The following CFAP70 variants were observed in gnomAD, a reference collection of about 807,000 sequenced individuals.
The protein encoded by CFAP70 is cilia- and flagella-associated protein 70.
Under a neutral mutation model 137.6 loss-of-function variants are expected in CFAP70, and 81 were observed. The ratio of observed to expected loss-of-function variants is 0.59; its 90% CI spans 0.49 to 0.71. CFAP70 has a LOEUF of 0.71. Among genes scored for constraint, CFAP70 ranks in the 30% least tolerant of loss-of-function variants. The pLI is 0.00. For missense variants in CFAP70, 976 were observed against 1,226.7 expected (o/e 0.80, Z 3.05); for synonymous variants, 382 against 423.6 (o/e 0.90, Z 1.20).
At chr10:73,287,276 C>T (rs897916500) in intron 19 of CFAP70, among the ~76,000 whole-genome samples, 8 of 152,186 alleles carry the variant, frequency 5.3e-5, no homozygotes, top group African/African-American at 1.9e-4. Context: ...CAGGCTGTTA[C>T]TGTACTGAAT....
At chr10:73,334,430 T>C (rs1297345852) in intron 7 of CFAP70, among the ~76,000 whole-genome samples, 1 of 152,154 alleles carries the variant, frequency 6.6e-6, no homozygotes, top group East Asian at 1.9e-4. Flanking sequence ...GCCAGAAATG[T>C]GAGCGTGCAA....
At chr10:73,349,332 G>A (rs560610496) in intron 3 of CFAP70, among the ~76,000 whole-genome samples, 51 of 152,132 alleles carry the variant, frequency 3.4e-4, no homozygotes, top group African/African-American at 1.2e-3. Flanking sequence ...GAGGTCAGGA[G>A]ATCGAGACCA....
intron 3 of CFAP70, among the ~76,000 whole-genome samples, chr10:73,351,589 C>T (rs765111132): frequency 7.9e-5 from 12 of 152,150 alleles, no homozygotes; most frequent in Non-Finnish European, 1.5e-4. Flanking sequence ...GGCTCCACCA[C>T]GCCTGGCTAA....
intron 6 of CFAP70, among the ~76,000 whole-genome samples, chr10:73,337,749 T>C (rs1223401858): frequency 2.0e-5 from 3 of 151,742 alleles, no homozygotes; most frequent in Non-Finnish European, 4.4e-5. Flanking sequence ...CCACCAAAAA[T>C]ACAAAAATTA....
chr10:73,295,389 A>AGGGAGGG (rs2048475285), intron 15 of CFAP70: 2 of 128,706 alleles, frequency 1.6e-5, no homozygotes, highest in East Asian at 5.5e-4. Context: ...GGAAGGGAGG[A>AGGGAGGG]AGGGAGGGAG....
intron 5 of CFAP70, among the ~76,000 whole-genome samples, chr10:73,344,843 A>G (rs1010716865): frequency 2.0e-5 from 3 of 151,964 alleles, no homozygotes; most frequent in Non-Finnish European, 4.4e-5. Flanking sequence ...TTTCCACCAT[A>G]TATTTATATA....
At chr10:73,269,079 A>G (rs368238383) in intron 25 of CFAP70, among the ~76,000 whole-genome samples, 4 of 152,300 alleles carry the variant, frequency 2.6e-5, no homozygotes, top group African/African-American at 7.2e-5. Flanking sequence ...CTCTTATAAT[A>G]ATACTCCCTG....
intron 12 of CFAP70, among the ~76,000 whole-genome samples, chr10:73,301,509 C>G (rs1433681994): frequency 6.6e-6 from 1 of 152,080 alleles, no homozygotes; most frequent in Non-Finnish European, 1.5e-5. Flanking sequence ...ATGAAAGAAG[C>G]CAGTCACCAC....
chr10:73,260,044 A>G (rs1009383881), intron 25 of CFAP70, among the ~76,000 whole-genome samples: 2 of 151,022 alleles, frequency 1.3e-5, no homozygotes, highest in Admixed American at 6.6e-5. Context: ...AAAAGAAAAA[A>G]AAAGGACTTA....
chr10:73,338,408 C>T (rs907644306), intron 6 of CFAP70, among the ~76,000 whole-genome samples: 17 of 145,048 alleles, frequency 1.2e-4, no homozygotes, highest in African/African-American at 3.1e-4. Flanking sequence ...TTACAGCCAC[C>T]GTACCTGGCT....
At position 73,275,700 on chromosome 10, in the gene CFAP70, A is replaced by G. The variant is rs1431720987; in HGVS notation, c.2521-102T>C. On this transcript the variant is annotated intron_variant, in intron 21 of 26. Transcript: ENST00000310715. This position sits in a 1 kb window ranked among gnomAD's most constrained non-coding sequence, Gnocchi z 4.0. Reference sequence around the variant, plus strand: ...GATAATAAATAATACGAAATGTATTACAGAATGAAATAATTATCCTCAACT... The same window carrying G: ...GATAATAAATAATACGAAATGTATTGCAGAATGAAATAATTATCCTCAACT... The G allele has an allele frequency of 5.7e-6, 6 of 1,045,420 alleles. No homozygotes were observed. The highest frequency in any genetic ancestry group is 7.9e-6 in the Non-Finnish European group (6 of 758,202). 64.8% of individuals were successfully genotyped at this position (1,045,420 alleles called of 1,614,324 possible). A position where few individuals can be genotyped will look rare whatever the true frequency, so the allele number is the denominator to read the frequency against.
At chr10:73,269,800 G>T in intron 24 of CFAP70, 85 bp from the exon 26 acceptor site, 1 of 716,506 alleles carries the variant, frequency 1.4e-6, no homozygotes. Context: ...CTATACCAAT[G>T]GTTTTCAACT....
rs148787320 is a variant in CFAP70, at chr10:73,332,702, A to G, written c.678-1426T>C. On this transcript the variant is annotated intron_variant, in intron 7 of 26. Transcript: ENST00000310715. ...GAAGTTCTTGGGCAAATCCAAAGACAACAGGGGAGGTGGGGGAAAAAGGAA... is the reference window on the plus strand; with the variant it reads ...GAAGTTCTTGGGCAAATCCAAAGACGACAGGGGAGGTGGGGGAAAAAGGAA... Among the ~76,000 whole-genome samples, 1,319 of 152,290 alleles carry G rather than the reference A, an allele frequency of 8.7e-3. 12 individuals are homozygous for G. Among genetic ancestry groups the G allele is most frequent in the Non-Finnish European group, 0.013 (857 of 68,030 alleles).
At chr10:73,327,791 G>A (rs1258264878) in intron 8 of CFAP70, among the ~76,000 whole-genome samples, 2 of 152,170 alleles carry the variant, frequency 1.3e-5, no homozygotes, top group African/African-American at 4.8e-5. Flanking sequence ...GGGATGTGAA[G>A]GACCTCTTCA....
intron 6 of CFAP70, 137 bp from the exon 8 acceptor site, chr10:73,335,661 GCAA>G (rs2052571469): frequency 2.1e-6 from 1 of 474,154 alleles, no homozygotes; most frequent in African/African-American, 2.0e-5. Context: ...GACTACTATT[GCAA>G]CTACTACCAC....
At chr10:73,351,676 G>C (rs188363828) in intron 3 of CFAP70, among the ~76,000 whole-genome samples, 411 of 151,890 alleles carry the variant, frequency 2.7e-3, no homozygotes, top group African/African-American at 8.8e-3. Context: ...TGTGATCCAC[G>C]CATCTCAGCC....
At chr10:73,253,825 C>A in exon 27 of CFAP70, 1 of 545,814 alleles carries the variant, frequency 1.8e-6, no homozygotes, top group East Asian at 3.0e-5. Flanking sequence ...GTAAAACATC[C>A]AGTAACACAG....
chr10:73,265,320 CA>C (rs796977521), intron 25 of CFAP70, among the ~76,000 whole-genome samples: 4,824 of 85,830 alleles, frequency 0.056, 204 homozygotes, highest in African/African-American at 0.15. Flanking sequence ...GACTCCATCT[CA>C]AAAAAAAAAA....
At chr10:73,350,919 C>T (rs903394397) in intron 3 of CFAP70, among the ~76,000 whole-genome samples, 1 of 150,822 alleles carries the variant, frequency 6.6e-6, no homozygotes, top group South Asian at 2.1e-4. Context: ...CACCACCATA[C>T]CCAGCTAATT....
Sources: gnomAD v4.1 joint callset for allele counts (sites outside exome capture counted in the v4.1 genomes callset) on GRCh38, gnomAD v4.1.1 for gene constraint, Gnocchi (gnomAD v3.1) non-coding constraint, MANE v1.5 for transcripts, NCBI Gene and HGNC (gene_info 2026-07-23, HGNC 2026-07-21) for gene names.